CCSER1: variants seen among roughly 807,000 people sequenced by gnomAD.
CCSER1 encodes the protein coiled-coil serine rich protein 1, also known as serine-rich coiled-coil domain-containing protein 1.
Under a neutral mutation model 82.0 loss-of-function variants are expected in CCSER1, and 41 were observed. The ratio of observed to expected loss-of-function variants is 0.50; its 90% CI spans 0.39 to 0.65. The LOEUF (loss-of-function observed/expected upper bound fraction) is 0.65, where lower values mean the gene tolerates loss of function less well. Ranked by LOEUF, CCSER1 falls within the 30% of genes least tolerant of loss-of-function variation. CCSER1 has a pLI of 0.00. For missense variants in CCSER1, 1,119 were observed against 1,064.2 expected (o/e 1.05, Z -0.72); for synonymous variants, 414 against 383.9 (o/e 1.08, Z -0.92).
At chr4:90,392,251 A>G (rs902950122) in intron 3 of CCSER1, among the ~76,000 whole-genome samples, 1 of 152,028 alleles carries the variant, frequency 6.6e-6, no homozygotes, top group Non-Finnish European at 1.5e-5. Flanking sequence ...TAATAAAATT[A>G]TATTTACTTT....
intron 1 of CCSER1, among the ~76,000 whole-genome samples, chr4:90,265,915 T>C (rs2153450994): frequency 6.6e-6 from 1 of 152,290 alleles, no homozygotes; most frequent in South Asian, 2.1e-4. Flanking sequence ...GTCATTTAAA[T>C]ACAAGTTTAG....
rs187387198 is a variant in CCSER1 at position 91,510,642 on chromosome 4, G to C, written c.2218-87930G>C. ...GTATGTCTACTGTTGAGAAGTGTCT[G>C]TCCATGTCATTTGTTCACTTTTTAA... On this transcript the variant is annotated intron_variant, in intron 10 of 10. Coordinates refer to ENST00000509176, the MANE Select transcript of CCSER1 (RefSeq NM_001145065.2). 2.6e-3 allele frequency among the ~76,000 whole-genome samples: 401 copies of C among 152,230 alleles called. 5 individuals carry two copies. Among genetic ancestry groups the C allele is most frequent in the Non-Finnish European group, 2.8e-4 (19 of 68,016 alleles).
chr4:90,484,103 C>T (rs1766568498), intron 5 of CCSER1, among the ~76,000 whole-genome samples: 1 of 152,212 alleles, frequency 6.6e-6, no homozygotes, highest in Admixed American at 6.5e-5. Context: ...AACTTCTCTT[C>T]ACGCTTCATT....
chr4:90,888,356 G>C (rs988032583), intron 8 of CCSER1, among the ~76,000 whole-genome samples: 2 of 151,754 alleles, frequency 1.3e-5, no homozygotes, highest in African/African-American at 4.8e-5. Context: ...CTTTAATATC[G>C]AGTACCCTTC....
chr4:90,228,397 C>A (rs1160295491), intron 1 of CCSER1, among the ~76,000 whole-genome samples: 1 of 152,072 alleles, frequency 6.6e-6, no homozygotes, highest in Non-Finnish European at 1.5e-5. Context: ...CTCCAACAGA[C>A]CTGCAGCTGA....
At chr4:90,987,929 A>G (rs1174962748) in intron 9 of CCSER1, among the ~76,000 whole-genome samples, 1 of 151,834 alleles carries the variant, frequency 6.6e-6, no homozygotes, top group Admixed American at 6.6e-5. Context: ...TATAATTTTC[A>G]CAGATCTAGC....
At chr4:91,102,371 G>T (rs1381287398) in intron 10 of CCSER1, among the ~76,000 whole-genome samples, 1 of 152,172 alleles carries the variant, frequency 6.6e-6, no homozygotes, top group Non-Finnish European at 1.5e-5. Flanking sequence ...TGACATTGTA[G>T]CTTCGTACAG....
At chr4:90,317,263 C>T (rs372517898) in intron 3 of CCSER1, among the ~76,000 whole-genome samples, 5 of 151,996 alleles carry the variant, frequency 3.3e-5, no homozygotes, top group Non-Finnish European at 5.9e-5. Flanking sequence ...GACCTGGTAC[C>T]GTTAAAGGAA....
intron 8 of CCSER1, among the ~76,000 whole-genome samples, chr4:90,876,693 T>G (rs1409823350): frequency 6.6e-6 from 1 of 152,102 alleles, no homozygotes; most frequent in East Asian, 1.9e-4. Context: ...AAACCATACT[T>G]AATTACACAC....
chr4:91,432,688 A>G (rs981895835), intron 10 of CCSER1, among the ~76,000 whole-genome samples: 2 of 152,208 alleles, frequency 1.3e-5, no homozygotes, highest in Non-Finnish European at 2.9e-5. Flanking sequence ...ATATTCCTTT[A>G]TGTGAACTTT....
Position 90,262,506 on chromosome 4 carries a change from T to G in CCSER1, c.-41-45738T>G, listed in dbSNP as rs145087130. Among the ~76,000 whole-genome samples, 1,255 of 152,246 alleles carry G rather than the reference T, an allele frequency of 8.2e-3. 12 individuals carry two copies. Among genetic ancestry groups the G allele is most frequent in the South Asian group, 0.033 (161 of 4,820 alleles). ...GCCCCATCGTATGCATTTTTAAAAT[T>G]TTAATTAGTTTTTTCCTGTTATTTT... On this transcript the variant is annotated intron_variant, in intron 1 of 10. Transcript: ENST00000509176.
At chr4:90,149,161 T>C (rs1318393635) in intron 1 of CCSER1, among the ~76,000 whole-genome samples, 1 of 152,086 alleles carries the variant, frequency 6.6e-6, no homozygotes, top group Non-Finnish European at 1.5e-5. Flanking sequence ...CACAATAACC[T>C]TATGAAGTAG....
chr4:91,238,702 C>G (rs562071965), intron 10 of CCSER1, among the ~76,000 whole-genome samples: 20 of 152,128 alleles, frequency 1.3e-4, no homozygotes, highest in Non-Finnish European at 2.2e-4. Context: ...TATTGAGTAC[C>G]CATTAGTGGA....
At position 90,468,292 on chromosome 4, in the gene CCSER1, T is replaced by C. The variant is rs754640158; in HGVS notation, c.1662T>C (p.Pro554=). The C allele has an allele frequency of 2.5e-6, 4 of 1,609,206 alleles. No homozygotes were observed. In the Admixed American group the frequency reaches 6.7e-5, roughly 27 times the overall value. Residue 554 remains proline (P), a synonymous_variant, in exon 5 of 11, where the codon CCT becomes CCC. Coordinates refer to ENST00000509176, the MANE Select transcript of CCSER1 (RefSeq NM_001145065.2). ...CATGTGCCGCAGTAGTTCTTACTCCTATGGAACCAATGATAGAAATGAAGA... is the reference window on the plus strand; with the variant it reads ...CATGTGCCGCAGTAGTTCTTACTCCCATGGAACCAATGATAGAAATGAAGA... ...VVSCAAVVLT[P]MEPMIEMKKR... is the part of the protein sequence containing the mutation.
At chr4:91,446,556 TCTG>T (rs1397305067) in intron 10 of CCSER1, among the ~76,000 whole-genome samples, 26 of 133,416 alleles carry the variant, frequency 1.9e-4, no homozygotes, top group African/African-American at 5.4e-4. Flanking sequence ...CAACTGATAT[TCTG>T]CTATTTTTCT....
chr4:91,033,389 G>C (rs1034193638), intron 9 of CCSER1, among the ~76,000 whole-genome samples: 7 of 152,088 alleles, frequency 4.6e-5, no homozygotes, highest in African/African-American at 1.7e-4. Context: ...AAAAAGGGTA[G>C]AAGGAAATAT....
chr4:90,429,807 G>T (rs1451549532), intron 4 of CCSER1, among the ~76,000 whole-genome samples: 1 of 151,744 alleles, frequency 6.6e-6, no homozygotes, highest in East Asian at 1.9e-4. Flanking sequence ...CCTTAGTCTG[G>T]TAAATGTATA....
At chr4:90,616,996 G>C (rs986292962) in intron 5 of CCSER1, among the ~76,000 whole-genome samples, 20 of 151,954 alleles carry the variant, frequency 1.3e-4, no homozygotes, top group African/African-American at 4.4e-4. Flanking sequence ...TGTGTATCCT[G>C]TTCAGTCTCT....
At chr4:91,253,021 A>T (rs181921859) in intron 10 of CCSER1, among the ~76,000 whole-genome samples, 7 of 152,262 alleles carry the variant, frequency 4.6e-5, no homozygotes, top group East Asian at 1.9e-4. Flanking sequence ...GGACTAAAAA[A>T]AAAAAGAGGG....
Sources: gnomAD v4.1 joint callset for allele counts (sites outside exome capture counted in the v4.1 genomes callset) on GRCh38, gnomAD v4.1.1 for gene constraint, MANE v1.5 for transcripts, NCBI Gene and HGNC (gene_info 2026-07-23, HGNC 2026-07-21) for gene names.